Variants in SGCD observed in about 807,000 individuals in gnomAD.
The protein encoded by SGCD is delta-sarcoglycan.
A neutral mutation model predicts 36.6 loss-of-function variants in SGCD; 18 were observed. That is an observed-to-expected ratio of 0.49 (90% confidence interval 0.34 to 0.73). SGCD has a LOEUF of 0.73. Ranked by LOEUF, SGCD falls within the 30% of genes least tolerant of loss-of-function variation. The pLI, the probability that SGCD is intolerant of heterozygous loss-of-function variation, is 0.01. For missense variants in SGCD, 387 were observed against 346.7 expected (o/e 1.12, Z -0.92); for synonymous variants, 133 against 130.6 (o/e 1.02, Z -0.12).
intron 6 of SGCD, among the ~76,000 whole-genome samples, chr5:156,625,467 A>G (rs1762405187): frequency 6.6e-6 from 1 of 152,242 alleles, no homozygotes; most frequent in Admixed American, 6.5e-5. Flanking sequence ...TGACTAGGAT[A>G]GGAAATAATC....
chr5:156,693,633 T>C (rs1394009474), intron 7 of SGCD, among the ~76,000 whole-genome samples: 1 of 152,086 alleles, frequency 6.6e-6, no homozygotes, highest in East Asian at 1.9e-4. Flanking sequence ...GAAAAGGAAA[T>C]TGTTTAGAGG....
At chr5:156,727,726 A>T (rs1053781656) in intron 7 of SGCD, among the ~76,000 whole-genome samples, 1 of 152,194 alleles carries the variant, frequency 6.6e-6, no homozygotes, top group Non-Finnish European at 1.5e-5. Flanking sequence ...CCAATATTAC[A>T]TGAGTCATGA....
At chr5:156,715,361 CAGTG>C (rs779236260) in intron 7 of SGCD, among the ~76,000 whole-genome samples, 18 of 152,136 alleles carry the variant, frequency 1.2e-4, no homozygotes, top group Non-Finnish European at 2.6e-4. Context: ...ACTTCAAACT[CAGTG>C]AGGATTATGC....
chr5:156,396,679 G>T (rs74383108), intron 3 of SGCD, among the ~76,000 whole-genome samples: 56 of 152,224 alleles, frequency 3.7e-4, no homozygotes, highest in African/African-American at 1.3e-3. Context: ...CAAGAGGCAG[G>T]CATGTGTGGG....
chr5:156,716,730 C>T (rs1755238970), intron 7 of SGCD, among the ~76,000 whole-genome samples: 1 of 152,154 alleles, frequency 6.6e-6, no homozygotes, highest in African/African-American at 2.4e-5. Flanking sequence ...TTCTCCTTCC[C>T]ATTAACCAGC....
the SGCD span, among the ~76,000 whole-genome samples, chr5:155,764,326 C>T: frequency 4.6e-5 from 7 of 152,258 alleles, no homozygotes; most frequent in East Asian, 5.8e-4. Flanking sequence ...CAACAAAAAA[C>T]GTCCCCAAAC....
At chr5:156,085,234 G>A (rs1246627990) in intron 1 of SGCD, among the ~76,000 whole-genome samples, 1 of 152,048 alleles carries the variant, frequency 6.6e-6, no homozygotes, top group African/African-American at 2.4e-5. Context: ...GACTGATGCG[G>A]TTTCAATATG....
At chr5:155,728,670 G>A in the SGCD span, among the ~76,000 whole-genome samples, 1 of 152,120 alleles carries the variant, frequency 6.6e-6, no homozygotes, top group Non-Finnish European at 1.5e-5. Context: ...CAAGTCCCTT[G>A]TCTATCCCGG....
chr5:156,697,901 A>C (rs1473052582), intron 7 of SGCD, among the ~76,000 whole-genome samples: 1 of 152,196 alleles, frequency 6.6e-6, no homozygotes, highest in East Asian at 1.9e-4. Context: ...AACTGATGGA[A>C]GCAACAAAGA....
chr5:156,697,751 G>A (rs1187003226), intron 7 of SGCD, among the ~76,000 whole-genome samples: 8 of 84,178 alleles, frequency 9.5e-5, no homozygotes, highest in Non-Finnish European at 1.8e-4. Flanking sequence ...ATGGACGGAC[G>A]GATGGATGGA....
At chr5:156,388,614 G>A (rs1195688231) in intron 3 of SGCD, among the ~76,000 whole-genome samples, 1 of 152,174 alleles carries the variant, frequency 6.6e-6, no homozygotes, top group East Asian at 1.9e-4. Context: ...GTCTATGCAT[G>A]GGCTACATTA....
intron 3 of SGCD, among the ~76,000 whole-genome samples, chr5:156,363,583 T>G (rs992808487): frequency 2.0e-5 from 3 of 152,210 alleles, no homozygotes; most frequent in African/African-American, 7.2e-5. Context: ...CCTGATTGTT[T>G]CCAGGATTTC....
intron 5 of SGCD, among the ~76,000 whole-genome samples, chr5:156,593,759 C>T (rs1760818345): frequency 6.6e-6 from 1 of 152,146 alleles, no homozygotes; most frequent in South Asian, 2.1e-4. Context: ...ATTTGTTCAA[C>T]AACAGGTGTG....
upstream of SGCD, among the ~76,000 whole-genome samples, chr5:156,322,084 A>T (rs115677644): frequency 0.034 from 5,183 of 152,198 alleles, 231 homozygotes; most frequent in African/African-American, 0.098. Context: ...ACAACAGACC[A>T]CACTCCCTAT....
Position 156,024,320 on chromosome 5 carries a change from T to C in SGCD, c.-281-93558T>C, listed in dbSNP as rs1395150789. On this transcript the variant is annotated intron_variant, in intron 1 of 9. Coordinates refer to the SGCD transcript ENST00000517913. Reference sequence around the variant, plus strand: ...AAAATGTGGCTTATCTTGTATGACGTCCTCAAGATGCACTCAATAAATGCT... The same window carrying C: ...AAAATGTGGCTTATCTTGTATGACGCCCTCAAGATGCACTCAATAAATGCT... 2.0e-5 allele frequency among the ~76,000 whole-genome samples: 3 copies of C among 151,076 alleles called. No homozygotes were observed. In the East Asian group the frequency reaches 5.8e-4, roughly 29 times the overall value.
chr5:156,405,882 A>G (rs1289656661), intron 3 of SGCD, among the ~76,000 whole-genome samples: 1 of 152,062 alleles, frequency 6.6e-6, no homozygotes, highest in Non-Finnish European at 1.5e-5. Flanking sequence ...GGGTGCTCCC[A>G]CATCCTTTTG....
intron 1 of SGCD, among the ~76,000 whole-genome samples, chr5:155,896,502 C>A (rs921694437): frequency 6.7e-6 from 1 of 149,670 alleles, no homozygotes; most frequent in African/African-American, 2.5e-5. Context: ...AAGAATTAGG[C>A]AGCCACGATG....
intron 3 of SGCD, among the ~76,000 whole-genome samples, chr5:156,194,015 G>A (rs562028325): frequency 6.6e-6 from 1 of 152,176 alleles, no homozygotes; most frequent in African/African-American, 2.4e-5. Flanking sequence ...ACCTTCCTCT[G>A]AGCATTTTAA....
chr5:156,651,083 G>A (rs1410837675), intron 7 of SGCD, among the ~76,000 whole-genome samples: 1 of 151,896 alleles, frequency 6.6e-6, no homozygotes, highest in Non-Finnish European at 1.5e-5. Context: ...ATGTTTTTTG[G>A]CCATGTGTAT....
Sources: gnomAD v4.1 joint callset for allele counts (sites outside exome capture counted in the v4.1 genomes callset) on GRCh38, gnomAD v4.1.1 for gene constraint, MANE v1.5 for transcripts, NCBI Gene and HGNC (gene_info 2026-07-23, HGNC 2026-07-21) for gene names.